Variants in MYH10 observed in about 807,000 individuals in gnomAD.
MYH10 encodes the protein myosin-10.
In MYH10, 55 loss-of-function variants were observed where a neutral mutation model predicts 257.8. The observed-to-expected ratio is 0.21, with a 90% CI of 0.17 to 0.27. The LOEUF (loss-of-function observed/expected upper bound fraction) is 0.27. Ranked by LOEUF, MYH10 falls within the 10% of genes least tolerant of loss-of-function variation. MYH10 has a pLI of 1.00. For synonymous variants in MYH10, 854 were observed against 921.7 expected (o/e 0.93, Z 1.33); for missense variants, 1,631 against 2,500.6 (o/e 0.65, Z 7.42).
chr17:8,582,819 T>C lies in MYH10; in HGVS notation c.531-5481A>G, dbSNP rs182274710. 8.4e-3 allele frequency among the ~76,000 whole-genome samples: 1,279 copies of C among 152,342 alleles called. 11 individuals are homozygous for C. The highest frequency in any genetic ancestry group is 0.03 in the African/African-American group (1,230 of 41,580). On this transcript the variant is annotated intron_variant, in intron 4 of 42. Coordinates refer to ENST00000360416, the MANE Select transcript of MYH10 (RefSeq NM_001256012.3). ...GGGGATTTCCCCAATGAGAAACCCC[T>C]TTTTCAGATCTTTATTGGTAAAAAT...
intron 25 of MYH10, among the ~76,000 whole-genome samples, chr17:8,509,266 G>A (rs2081179365): frequency 6.6e-6 from 1 of 152,170 alleles, no homozygotes; most frequent in East Asian, 1.9e-4. Flanking sequence ...CAAGTGTGTG[G>A]CCTAGATGCA....
intron 36 of MYH10, among the ~76,000 whole-genome samples, chr17:8,486,685 C>G (rs544586185): frequency 6.6e-6 from 1 of 151,830 alleles, no homozygotes; most frequent in African/African-American, 2.4e-5. Context: ...AAAATGTATA[C>G]ACACACATGT....
rs1460230623 is a variant in MYH10 at position 8,480,406 on chromosome 17, A to G, written c.5384T>C (p.Leu1795Pro). ...LLNDRFRKTT[L>P]QVDTLNAELA... Reference sequence around the variant, plus strand: ...ACGGGCTCCTGCATGGGCCACCTGTAGAGTGGTCTTGCGGAAGCGGTCGTT... The same window carrying G: ...ACGGGCTCCTGCATGGGCCACCTGTGGAGTGGTCTTGCGGAAGCGGTCGTT... The change falls in exon 39 of 43, where the codon CTA (leucine) becomes CCA (proline). Residue 1795 changes from leucine to proline, a missense_variant. By Grantham distance (98) the Leu-to-Pro change is moderately conservative (BLOSUM62 -3). This residue lies in a region of MYH10 where 343 missense variants were observed against 389.5 expected (regional missense o/e 0.88). Transcript: ENST00000360416. The G allele has an allele frequency of 6.2e-7, 1 of 1,613,526 alleles. No homozygotes were observed.
At chr17:8,589,499 C>A (rs536857535) in intron 3 of MYH10, among the ~76,000 whole-genome samples, 3 of 152,230 alleles carry the variant, frequency 2.0e-5, no homozygotes, top group African/African-American at 4.8e-5. Flanking sequence ...GATTAAAAAC[C>A]CTTCTTTAAA....
intron 16 of MYH10, among the ~76,000 whole-genome samples, chr17:8,532,274 G>A (rs145678191): frequency 3.0e-4 from 45 of 152,236 alleles, no homozygotes; most frequent in Middle Eastern, 3.4e-3. Flanking sequence ...CACTCCCAAC[G>A]GCATATCTCT....
chr17:8,490,604 A>G lies in MYH10; in HGVS notation c.4672-52T>C. The stretch of plus-strand genomic sequence containing the variant: ...GTTGACCGGGGTGGAGGCACATATG[A>G]AGAACAGCAGTCTTACTGTTTTACA... On this transcript the variant is annotated intron_variant, in intron 34 of 42. Coordinates refer to ENST00000360416, the MANE Select transcript of MYH10 (RefSeq NM_001256012.3). The surrounding 1 kb of genome is among the most constrained non-coding windows in gnomAD (Gnocchi z 4.1). The G allele has an allele frequency of 1.3e-6, 2 of 1,568,214 alleles. No homozygotes were observed. The highest frequency in any genetic ancestry group is 1.8e-6 in the Non-Finnish European group (2 of 1,139,056).
At chr17:8,539,435 T>A (rs2082233033) in intron 14 of MYH10, among the ~76,000 whole-genome samples, 1 of 152,066 alleles carries the variant, frequency 6.6e-6, no homozygotes, top group Admixed American at 6.5e-5. Flanking sequence ...TCAGTTAGAG[T>A]CATACCCAGG....
chr17:8,545,270 T>G lies in MYH10; in HGVS notation c.1431+178A>C, dbSNP rs1597790871. The stretch of plus-strand genomic sequence containing the variant: ...CAGTTCTATCACAGCACCCTTTCAG[T>G]GCATTCTCACAGACCTGCGGATTCA... On this transcript the variant is annotated intron_variant, in intron 13 of 42. Transcript: ENST00000360416. The surrounding 1 kb of genome is among the most constrained non-coding windows in gnomAD (Gnocchi z 4.7). Among the ~76,000 whole-genome samples the G allele has an allele frequency of 6.6e-6, 1 of 152,240 alleles. No individual in the cohort carries two copies. The highest frequency in any genetic ancestry group is 1.9e-4 in the East Asian group (1 of 5,200).
At chr17:8,536,303 CATT>C (rs2082136618) in intron 14 of MYH10, among the ~76,000 whole-genome samples, 1 of 152,118 alleles carries the variant, frequency 6.6e-6, no homozygotes, top group Admixed American at 6.6e-5. Flanking sequence ...CTGGAGAAAT[CATT>C]ATAACACCTC....
intron 3 of MYH10, among the ~76,000 whole-genome samples, chr17:8,599,948 A>G (rs1292444909): frequency 6.6e-6 from 1 of 152,224 alleles, no homozygotes; most frequent in Non-Finnish European, 1.5e-5. Flanking sequence ...GAAACAAGCC[A>G]TCAGCCAGGG....
At chr17:8,604,802 T>C (rs1404052162) in intron 3 of MYH10, 24 bp downstream of exon 3, 1 of 1,403,714 alleles carries the variant, frequency 7.1e-7, no homozygotes, top group Non-Finnish European at 9.4e-7. Flanking sequence ...TCTGAGCATT[T>C]AGTATTCAAA....
chr17:8,513,410 G>T (rs2081362244), intron 23 of MYH10, 128 bp downstream of exon 23: 2 of 1,376,830 alleles, frequency 1.5e-6, no homozygotes, highest in South Asian at 3.1e-5. Flanking sequence ...TGAGTGAAAA[G>T]GCCTCCCATA....
At chr17:8,478,718 T>C (rs1275315046) in intron 40 of MYH10, among the ~76,000 whole-genome samples, 5 of 152,190 alleles carry the variant, frequency 3.3e-5, no homozygotes, top group Non-Finnish European at 7.3e-5. Context: ...TATTCATCAT[T>C]GTACTCAGTT....
At chr17:8,607,802 C>G (rs1283060002) in intron 2 of MYH10, among the ~76,000 whole-genome samples, 1 of 152,120 alleles carries the variant, frequency 6.6e-6, no homozygotes, top group Non-Finnish European at 1.5e-5. Context: ...AAACAAGCTA[C>G]AATGCAAAGC....
In MYH10 at chr17:8,542,131, T is replaced by C. The variant is rs201984995; in HGVS notation, c.1581A>G (p.Pro527=). The change falls in exon 14 of 43, where the codon CCA becomes CCG. Residue 527 remains proline (P), a synonymous_variant. Transcript: ENST00000360416. ...CAGGTCTCTCTATTAGGTCGATGCA[T>C]GGCTGCAGATCCAGCCCGAAATCGA... ...NFIDFGLDLQ[P]CIDLIERPAN... is the part of the protein sequence containing the mutation. 13 of 1,614,038 alleles carry C rather than the reference T, an allele frequency of 8.1e-6. No individual in the cohort carries two copies. The highest frequency in any genetic ancestry group is 1.7e-5 in the Admixed American group (1 of 60,006).
chr17:8,501,042 A>C (rs199615959), intron 28 of MYH10, 72 bp from the exon 29 acceptor site: 9 of 1,461,908 alleles, frequency 6.2e-6, no homozygotes, highest in Non-Finnish European at 8.3e-6. Context: ...TTTTTGAAAA[A>C]GTACTGTTTT....
intron 6 of MYH10, among the ~76,000 whole-genome samples, chr17:8,575,095 C>A (rs77162297): frequency 1.5e-3 from 224 of 152,272 alleles, no homozygotes; most frequent in Non-Finnish European, 2.4e-3. Flanking sequence ...ACATGCAAAT[C>A]GGCAATGACC....
chr17:8,475,748 C>T lies in MYH10; in HGVS notation c.*56G>A, dbSNP rs577441939. 109 of 1,571,406 alleles carry T rather than the reference C, an allele frequency of 6.9e-5. No individual in the cohort carries two copies. The African/African-American group carries it at 1.3e-3, about 19-fold the overall frequency. On this transcript the variant is annotated 3_prime_UTR_variant, in exon 43 of 43. Coordinates refer to ENST00000360416, the MANE Select transcript of MYH10 (RefSeq NM_001256012.3). ...GCCAATTTCCGAAATCTGCAGGAGGCCCCGGGTGCATTCCTAACTGTCCCA... is the reference window on the plus strand; with the variant it reads ...GCCAATTTCCGAAATCTGCAGGAGGTCCCGGGTGCATTCCTAACTGTCCCA...
At chr17:8,481,919 G>A (rs926304575) in intron 37 of MYH10, among the ~76,000 whole-genome samples, 18 of 152,230 alleles carry the variant, frequency 1.2e-4, no homozygotes, top group Admixed American at 6.5e-5. Context: ...GGCCTCCGCA[G>A]GGGCTCAAGT....
Sources: gnomAD v4.1 joint callset for allele counts (sites outside exome capture counted in the v4.1 genomes callset) on GRCh38, gnomAD v4.1.1 for gene constraint, gnomAD v4.1.1 regional missense constraint, Gnocchi (gnomAD v3.1) non-coding constraint, MANE v1.5 for transcripts, NCBI Gene and HGNC (gene_info 2026-07-23, HGNC 2026-07-21) for gene names.